TMC1: variants seen among roughly 807,000 people sequenced by gnomAD.
TMC1 encodes the protein transmembrane channel-like protein 1.
In TMC1, 84 loss-of-function variants were observed where a neutral mutation model predicts 105.8. The observed-to-expected ratio is 0.79, with a 90% CI of 0.67 to 0.95. The LOEUF is 0.95. Among genes scored for constraint, TMC1 ranks in the 40% least tolerant of loss-of-function variants. The pLI, the probability that TMC1 is intolerant of heterozygous loss-of-function variation, is 0.00. For synonymous variants in TMC1, 315 were observed against 311.5 expected, an observed-to-expected ratio of 1.01 and a Z score of -0.12; for missense variants, 817 against 914.1, an observed-to-expected ratio of 0.89 and a Z score of 1.37.
intron 4 of TMC1, among the ~76,000 whole-genome samples, chr9:72,639,030 T>G (rs1418598828): frequency 3.3e-5 from 5 of 152,200 alleles, no homozygotes; most frequent in Non-Finnish European, 7.3e-5. Context: ...AATTTTTACT[T>G]TCATCTTTAT....
chr9:72,794,187 T>G (rs1172763964), intron 17 of TMC1, among the ~76,000 whole-genome samples: 1 of 152,066 alleles, frequency 6.6e-6, no homozygotes, highest in Non-Finnish European at 1.5e-5. Flanking sequence ...TGCATCTCAA[T>G]GGGGTGGAGC....
chr9:72,736,248 G>A (rs549894692), intron 8 of TMC1, among the ~76,000 whole-genome samples: 2 of 152,232 alleles, frequency 1.3e-5, no homozygotes, highest in South Asian at 4.1e-4. Flanking sequence ...ATTGTTCAAA[G>A]GAAAATGATA....
intron 1 of TMC1, among the ~76,000 whole-genome samples, chr9:72,567,264 G>C (rs1824176632): frequency 5.3e-5 from 8 of 152,096 alleles, no homozygotes; most frequent in Admixed American, 5.2e-4. Flanking sequence ...TCTCGTATTT[G>C]TCTGCTTACT....
intron 2 of TMC1, among the ~76,000 whole-genome samples, chr9:72,603,067 A>G (rs545498563): frequency 6.6e-6 from 1 of 152,256 alleles, no homozygotes; most frequent in Non-Finnish European, 1.5e-5. Context: ...TATTTTTTCA[A>G]TAGTACAGAT....
chr9:72,816,080 C>A, intron 18 of TMC1, 63 bp from the exon 19 acceptor site: 1 of 1,478,970 alleles, frequency 6.8e-7, no homozygotes, highest in South Asian at 1.1e-5. Context: ...CTATGCAGAA[C>A]AATTTGCCTT....
intron 5 of TMC1, among the ~76,000 whole-genome samples, chr9:72,660,921 C>A (rs1021596201): frequency 6.6e-6 from 1 of 152,080 alleles, no homozygotes; most frequent in African/African-American, 2.4e-5. Flanking sequence ...GAGGCTGAGG[C>A]GGGCGGATCA....
intron 1 of TMC1, among the ~76,000 whole-genome samples, chr9:72,576,385 CCCTTTCT>C (rs1359581351): frequency 6.0e-4 from 92 of 152,068 alleles, no homozygotes; most frequent in African/African-American, 1.8e-3. Context: ...CTCTTCCCTC[CCCTTTCT>C]CCTTTCTGAC....
chr9:72,769,660 T>G (rs1330669032), intron 12 of TMC1, among the ~76,000 whole-genome samples: 2 of 152,234 alleles, frequency 1.3e-5, no homozygotes, highest in Non-Finnish European at 2.9e-5. Context: ...TAGCAGCAAC[T>G]TCATAGTGTT....
At chr9:72,558,914 A>T (rs1823993797) in intron 1 of TMC1, among the ~76,000 whole-genome samples, 2 of 150,734 alleles carry the variant, frequency 1.3e-5, no homozygotes, top group Admixed American at 1.3e-4. Context: ...TTTTTCAACC[A>T]TTTTTTTTTG....
chr9:72,779,843 G>A (rs923854799), intron 13 of TMC1, among the ~76,000 whole-genome samples: 40 of 152,262 alleles, frequency 2.6e-4, no homozygotes, highest in African/African-American at 8.9e-4. Context: ...ACATATTTGA[G>A]GGTACTGCCT....
intron 4 of TMC1, among the ~76,000 whole-genome samples, chr9:72,630,776 G>A (rs1476392433): frequency 6.6e-6 from 1 of 151,626 alleles, no homozygotes; most frequent in Non-Finnish European, 1.5e-5. Context: ...AAACTGGAAA[G>A]AAATCCACAG....
At chr9:72,691,890 A>G (rs1459306460) in intron 6 of TMC1, among the ~76,000 whole-genome samples, 1 of 152,168 alleles carries the variant, frequency 6.6e-6, no homozygotes, top group Non-Finnish European at 1.5e-5. Context: ...CTGGTGAATG[A>G]GTACAAACTA....
intron 21 of TMC1, among the ~76,000 whole-genome samples, chr9:72,828,883 A>G (rs946944073): frequency 6.6e-6 from 1 of 152,236 alleles, no homozygotes. Context: ...TTAGGCCAAG[A>G]GGCAAAATTG....
intron 21 of TMC1, among the ~76,000 whole-genome samples, 193 bp downstream of exon 21, chr9:72,827,187 A>G (rs573813312): frequency 7.9e-5 from 12 of 152,224 alleles, no homozygotes; most frequent in Non-Finnish European, 1.8e-4. Context: ...TGTAATTCAC[A>G]GGCATCTGCA....
In TMC1 at chr9:72,675,626, C is replaced by T. The variant is rs547222605; in HGVS notation, c.17-13083C>T. The stretch of plus-strand genomic sequence containing the variant: ...GATGTAATAGTTACAATTACAGTCT[C>T]AACCCTCTGGCATTTAATGAAGATG... On this transcript the variant is annotated intron_variant, in intron 5 of 23. Transcript: ENST00000297784. Among the ~76,000 whole-genome samples, 5 of 152,194 alleles carry T rather than the reference C, an allele frequency of 3.3e-5. No individual in the cohort carries two copies. The South Asian group carries it at 8.3e-4, about 25-fold the overall frequency.
intron 8 of TMC1, among the ~76,000 whole-genome samples, chr9:72,716,364 C>T (rs980258366): frequency 6.6e-6 from 1 of 152,318 alleles, no homozygotes; most frequent in Middle Eastern, 3.4e-3. Context: ...CACCCACAAA[C>T]TCCCCTTCCC....
intron 17 of TMC1, among the ~76,000 whole-genome samples, chr9:72,793,704 C>G (rs1828315953): frequency 6.6e-6 from 1 of 152,124 alleles, no homozygotes; most frequent in Non-Finnish European, 1.5e-5. Flanking sequence ...GTTGCTACCT[C>G]CAGATAATAA....
intron 3 of TMC1, among the ~76,000 whole-genome samples, chr9:72,617,052 TAGAC>T (rs1489118945): frequency 2.6e-5 from 4 of 152,208 alleles, no homozygotes; most frequent in Admixed American, 6.5e-5. Context: ...AGTTAAAAAT[TAGAC>T]AGAGATATAT....
intron 2 of TMC1, among the ~76,000 whole-genome samples, chr9:72,607,473 G>T (rs905465935): frequency 6.6e-6 from 1 of 151,812 alleles, no homozygotes; most frequent in Non-Finnish European, 1.5e-5. Flanking sequence ...CAAAAAATTA[G>T]CTGGGTGTGG....
Sources: gnomAD v4.1 joint callset for allele counts (sites outside exome capture counted in the v4.1 genomes callset) on GRCh38, gnomAD v4.1.1 for gene constraint, MANE v1.5 for transcripts, NCBI Gene and HGNC (gene_info 2026-07-23, HGNC 2026-07-21) for gene names.